Variants in CAMTA1 observed in about 807,000 individuals in gnomAD.
The protein encoded by CAMTA1 is calmodulin binding transcription activator 1, also known as calmodulin-binding transcription activator 1.
A neutral mutation model predicts 170.9 loss-of-function variants in CAMTA1; 27 were observed. The ratio of observed to expected loss-of-function variants is 0.16; its 90% CI spans 0.12 to 0.22. The LOEUF (loss-of-function observed/expected upper bound fraction) is 0.22. Ranked by LOEUF, CAMTA1 falls within the 10% of genes least tolerant of loss-of-function variation. CAMTA1 has a pLI of 1.00. For missense variants in CAMTA1, 1,619 were observed against 2,217.2 expected, an observed-to-expected ratio of 0.73 and a Z score of 5.42; for synonymous variants, 833 against 891.5, an observed-to-expected ratio of 0.93 and a Z score of 1.17.
At chr1:7,733,463 G>A (rs1011392453) in intron 12 of CAMTA1, among the ~76,000 whole-genome samples, 1 of 152,166 alleles carries the variant, frequency 6.6e-6, no homozygotes, top group African/African-American at 2.4e-5. Flanking sequence ...CTTTCTGTAA[G>A]TTCCATAAAG....
intron 5 of CAMTA1, among the ~76,000 whole-genome samples, chr1:7,419,437 G>A (rs137988716): frequency 0.018 from 2,707 of 152,240 alleles, 70 homozygotes; most frequent in African/African-American, 0.062. Flanking sequence ...GATTACAGGC[G>A]TGAGCCACCA....
At chr1:7,143,214 G>A (rs1443174959) in intron 4 of CAMTA1, among the ~76,000 whole-genome samples, 2 of 152,186 alleles carry the variant, frequency 1.3e-5, no homozygotes, top group African/African-American at 4.8e-5. Flanking sequence ...CACACTCCAG[G>A]GAGTGAGTGT....
chr1:7,612,652 C>T (rs569078931), intron 6 of CAMTA1, among the ~76,000 whole-genome samples: 17 of 152,278 alleles, frequency 1.1e-4, no homozygotes, highest in East Asian at 3.9e-4. Flanking sequence ...CTCACTGGGC[C>T]GGAAGGGCAG....
intron 4 of CAMTA1, among the ~76,000 whole-genome samples, chr1:7,205,257 C>T (rs1364261277): frequency 6.6e-6 from 1 of 152,164 alleles, no homozygotes; most frequent in African/African-American, 2.4e-5. Flanking sequence ...GCATGCGCCA[C>T]CATGCCTGGC....
intron 3 of CAMTA1, among the ~76,000 whole-genome samples, chr1:6,948,937 C>T (rs1179807502): frequency 6.6e-6 from 1 of 152,200 alleles, no homozygotes; most frequent in Non-Finnish European, 1.5e-5. Context: ...CTGTTGCTCC[C>T]TGACGTGTGT....
chr1:7,369,800 C>G (rs764580371), intron 5 of CAMTA1, among the ~76,000 whole-genome samples: 2 of 152,186 alleles, frequency 1.3e-5, no homozygotes, highest in African/African-American at 2.4e-5. Flanking sequence ...GTTAGACTCT[C>G]GAGCATGGCC....
intron 11 of CAMTA1, among the ~76,000 whole-genome samples, chr1:7,705,440 T>G (rs1156612129): frequency 6.8e-6 from 1 of 147,984 alleles, no homozygotes; most frequent in African/African-American, 2.5e-5. Flanking sequence ...GCGGGCCGGA[T>G]GAGCTTCTGG....
At chr1:6,863,617 G>A (rs1157098302) in intron 3 of CAMTA1, among the ~76,000 whole-genome samples, 1 of 152,184 alleles carries the variant, frequency 6.6e-6, no homozygotes, top group East Asian at 1.9e-4. Context: ...TCAAATTTCA[G>A]GGATCAGTTT....
intron 4 of CAMTA1, among the ~76,000 whole-genome samples, chr1:7,197,628 CCACACA>C (rs3222484): frequency 0.025 from 2,797 of 109,816 alleles, 51 homozygotes; most frequent in African/African-American, 0.038. Context: ...TTGTCCCCCA[CCACACA>C]CACACACACA....
intron 5 of CAMTA1, among the ~76,000 whole-genome samples, chr1:7,397,701 A>G (rs1171606662): frequency 6.6e-6 from 1 of 151,956 alleles, no homozygotes; most frequent in African/African-American, 2.4e-5. Flanking sequence ...TTATGTTTCC[A>G]TTTTTAATTT....
chr1:7,473,528 C>T (rs940886999), intron 6 of CAMTA1, among the ~76,000 whole-genome samples: 2 of 152,232 alleles, frequency 1.3e-5, no homozygotes. Context: ...TTGCAGCCAA[C>T]AGCCTTTTCA....
chr1:7,422,532 C>T (rs868747754), intron 5 of CAMTA1, among the ~76,000 whole-genome samples: 57 of 152,326 alleles, frequency 3.7e-4, no homozygotes, highest in African/African-American at 1.3e-3. Context: ...CCCATCACAG[C>T]AGCCTAGCAG....
intron 5 of CAMTA1, among the ~76,000 whole-genome samples, chr1:7,382,993 C>T (rs1262956779): frequency 2.0e-5 from 3 of 152,180 alleles, no homozygotes; most frequent in Non-Finnish European, 1.5e-5. Context: ...ATGTGCCAGG[C>T]ACTGTGCTAA....
intron 11 of CAMTA1, among the ~76,000 whole-genome samples, chr1:7,678,751 A>T (rs2096151664): frequency 1.3e-5 from 2 of 152,134 alleles, no homozygotes; most frequent in African/African-American, 4.8e-5. Flanking sequence ...CAGGATGTTG[A>T]GGTCTGGGCT....
intron 6 of CAMTA1, among the ~76,000 whole-genome samples, chr1:7,487,718 G>A (rs935694557): frequency 6.6e-6 from 1 of 152,218 alleles, no homozygotes; most frequent in South Asian, 2.1e-4. Context: ...AGAGGGACAA[G>A]ACTGCAAGAA....
Position 7,200,439 on chromosome 1 carries a change from G to A in CAMTA1, c.303-49052G>A, listed in dbSNP as rs543982151. Among the ~76,000 whole-genome samples the A allele has an allele frequency of 2.4e-4, 37 of 152,118 alleles. 1 individual carries two copies. Among genetic ancestry groups the A allele is most frequent in the Non-Finnish European group, 5.1e-4 (35 of 68,012 alleles). On this transcript the variant is annotated intron_variant, in intron 4 of 22. Coordinates refer to ENST00000303635, the MANE Select transcript of CAMTA1 (RefSeq NM_015215.4). Reference sequence around the variant, plus strand: ...AATTGTCCCAGTAATGTTCTTTATAGCAAATGAAAAACAAATGGTTGTTTG... The same window carrying A: ...AATTGTCCCAGTAATGTTCTTTATAACAAATGAAAAACAAATGGTTGTTTG...
intron 3 of CAMTA1, among the ~76,000 whole-genome samples, chr1:6,829,653 A>G (rs796395908): frequency 5.8e-4 from 89 of 152,310 alleles, no homozygotes; most frequent in African/African-American, 1.9e-3. Flanking sequence ...GACTATCCTT[A>G]TCTTATAGAT....
intron 5 of CAMTA1, among the ~76,000 whole-genome samples, chr1:7,312,988 C>T (rs1676967439): frequency 6.6e-6 from 1 of 151,976 alleles, no homozygotes; most frequent in Non-Finnish European, 1.5e-5. Flanking sequence ...TATCTCGTTA[C>T]TCCTTTTTTT....
At chr1:6,925,521 A>C (rs780498271) in intron 3 of CAMTA1, among the ~76,000 whole-genome samples, 3 of 152,124 alleles carry the variant, frequency 2.0e-5, no homozygotes, top group Non-Finnish European at 2.9e-5. Flanking sequence ...CGATCTTTCC[A>C]AGTGCCTCCT....
Sources: gnomAD v4.1 joint callset for allele counts (sites outside exome capture counted in the v4.1 genomes callset) on GRCh38, gnomAD v4.1.1 for gene constraint, MANE v1.5 for transcripts, NCBI Gene and HGNC (gene_info 2026-07-23, HGNC 2026-07-21) for gene names.